The following RBFOX1 variants were observed in gnomAD, a reference collection of about 807,000 sequenced individuals.
RBFOX1 encodes the protein RNA binding protein fox-1 homolog 1.
Under a neutral mutation model 57.7 loss-of-function variants are expected in RBFOX1, and 8 were observed. The ratio of observed to expected loss-of-function variants is 0.14; its 90% confidence interval spans 0.08 to 0.25. The LOEUF (loss-of-function observed/expected upper bound fraction) is 0.25. RBFOX1 is among the 10% of genes least tolerant of loss of function. The pLI, the probability that RBFOX1 is intolerant of heterozygous loss-of-function variation, is 1.00. For synonymous variants in RBFOX1, 326 were observed against 222.4 expected (o/e 1.47, Z -4.15); for missense variants, 611 against 548.5 (o/e 1.11, Z -1.14).
intron 1 of RBFOX1, among the ~76,000 whole-genome samples, chr16:6,172,647 C>T (rs766305406): frequency 6.6e-6 from 1 of 152,324 alleles, no homozygotes. Context: ...AATGTAGAAA[C>T]TTCATCACAT....
chr16:5,977,373 C>G (rs1046518984), intron 4 of RBFOX1, among the ~76,000 whole-genome samples: 9 of 152,292 alleles, frequency 5.9e-5, no homozygotes, highest in East Asian at 3.9e-4. Flanking sequence ...GCTCCCTGCC[C>G]TCCATGGTCA....
chr16:7,237,908 G>A (rs1347154148), intron 4 of RBFOX1, among the ~76,000 whole-genome samples: 2 of 152,214 alleles, frequency 1.3e-5, no homozygotes, highest in East Asian at 1.9e-4. Context: ...GGAGGCTGAA[G>A]CATGAGAATT....
At chr16:5,486,671 C>A (rs1208251240) in intron 2 of RBFOX1, among the ~76,000 whole-genome samples, 1 of 152,134 alleles carries the variant, frequency 6.6e-6, no homozygotes, top group Non-Finnish European at 1.5e-5. Flanking sequence ...GTCTTGTGCC[C>A]TGTCTATGTA....
At chr16:5,420,344 A>G (rs1400520944) in intron 1 of RBFOX1, among the ~76,000 whole-genome samples, 3 of 152,128 alleles carry the variant, frequency 2.0e-5, no homozygotes, top group Non-Finnish European at 4.4e-5. Flanking sequence ...AGACAATTTC[A>G]AAATAACACC....
intron 1 of RBFOX1, among the ~76,000 whole-genome samples, chr16:6,158,295 G>T (rs553841819): frequency 6.6e-6 from 1 of 152,160 alleles, no homozygotes; most frequent in Non-Finnish European, 1.5e-5. Context: ...CATCACAGGC[G>T]ATGCACCTAC....
intron 1 of RBFOX1, among the ~76,000 whole-genome samples, chr16:5,353,690 C>G (rs1056964838): frequency 6.7e-6 from 1 of 149,442 alleles, no homozygotes; most frequent in Non-Finnish European, 1.5e-5. Context: ...TCACTTCCAG[C>G]TTGAAACCTA....
intron 2 of RBFOX1, among the ~76,000 whole-genome samples, chr16:6,604,148 C>T (rs1467322104): frequency 6.6e-6 from 1 of 151,906 alleles, no homozygotes; most frequent in East Asian, 1.9e-4. Context: ...ATCCCCTCGC[C>T]TTGGCAGTCC....
chr16:6,760,891 A>G (rs543542631), intron 3 of RBFOX1, among the ~76,000 whole-genome samples: 146 of 152,240 alleles, frequency 9.6e-4, no homozygotes, highest in Admixed American at 9.4e-3. Context: ...ATTGGACTCT[A>G]ATGGATAGAT....
At chr16:7,517,926 C>G (rs1319215641) in intron 4 of RBFOX1, among the ~76,000 whole-genome samples, 2 of 151,782 alleles carry the variant, frequency 1.3e-5, no homozygotes, top group Non-Finnish European at 2.9e-5. Flanking sequence ...TCTTTCCAAG[C>G]CTCGGTTTCT....
intron 4 of RBFOX1, among the ~76,000 whole-genome samples, chr16:7,152,025 G>A (rs139194516): frequency 1.7e-4 from 26 of 152,262 alleles, no homozygotes; most frequent in South Asian, 1.0e-3. Context: ...CTAGGCCATC[G>A]CCTGAGGTTT....
chr16:6,112,671 AC>A (rs201039472), intron 1 of RBFOX1, among the ~76,000 whole-genome samples: 4,783 of 152,284 alleles, frequency 0.031, 257 homozygotes, highest in African/African-American at 0.11. Flanking sequence ...AGCCTGGGCA[AC>A]AAGAGCAAAA....
intron 4 of RBFOX1, among the ~76,000 whole-genome samples, chr16:7,287,050 G>A (rs888451261): frequency 1.3e-5 from 2 of 152,186 alleles, no homozygotes; most frequent in Non-Finnish European, 2.9e-5. Flanking sequence ...GTGTGAGGAT[G>A]TGTGGCACAA....
At chr16:6,632,342 A>G (rs1365166057) in intron 2 of RBFOX1, among the ~76,000 whole-genome samples, 1 of 152,148 alleles carries the variant, frequency 6.6e-6, no homozygotes, top group Non-Finnish European at 1.5e-5. Flanking sequence ...AGAAAGAAAA[A>G]AAAAAAAGGT....
intron 4 of RBFOX1, among the ~76,000 whole-genome samples, chr16:5,966,338 C>A (rs1368781891): frequency 6.6e-6 from 1 of 152,166 alleles, no homozygotes; most frequent in Non-Finnish European, 1.5e-5. Context: ...GCAGTGGCAT[C>A]CGCTTCCAGG....
At chr16:6,817,680 G>A (rs2090390653) in intron 3 of RBFOX1, among the ~76,000 whole-genome samples, 1 of 151,740 alleles carries the variant, frequency 6.6e-6, no homozygotes, top group African/African-American at 2.4e-5. Flanking sequence ...TCCAGCCTGG[G>A]CGACAGAGCC....
In RBFOX1 at chr16:6,796,608, T is replaced by C. The variant is rs75285207; in HGVS notation, c.-16+141958T>C. Among the ~76,000 whole-genome samples the C allele has an allele frequency of 3.9e-3, 592 of 152,314 alleles. 5 individuals are homozygous for C. Among genetic ancestry groups the C allele is most frequent in the African/African-American group, 0.013 (546 of 41,560 alleles). On this transcript the variant is annotated intron_variant, in intron 3 of 15. Coordinates refer to ENST00000550418, the MANE Select transcript of RBFOX1 (RefSeq NM_018723.4). ...CCTTATTCATACCTATCCTAAACAC[T>C]TTTCAAAGGAACTTTCTCTCTGTCT...
chr16:7,415,781 T>G (rs1462729656), intron 4 of RBFOX1, among the ~76,000 whole-genome samples: 1 of 113,966 alleles, frequency 8.8e-6, no homozygotes, highest in Non-Finnish European at 1.5e-5. Flanking sequence ...TGGAAGAAAA[T>G]AAGAGTATAT....
chr16:6,888,458 T>G, intron 3 of RBFOX1, among the ~76,000 whole-genome samples: 1 of 152,194 alleles, frequency 6.6e-6, no homozygotes, highest in East Asian at 1.9e-4. Flanking sequence ...CTTACTGTCT[T>G]GGGTTTCATT....
At chr16:5,767,503 C>A (rs545679525) in intron 3 of RBFOX1, among the ~76,000 whole-genome samples, 1 of 152,180 alleles carries the variant, frequency 6.6e-6, no homozygotes, top group African/African-American at 2.4e-5. Context: ...TGTATGGGTT[C>A]AGAGCCCCTG....
Sources: gnomAD v4.1 joint callset for allele counts (sites outside exome capture counted in the v4.1 genomes callset) on GRCh38, gnomAD v4.1.1 for gene constraint, MANE v1.5 for transcripts, NCBI Gene and HGNC (gene_info 2026-07-23, HGNC 2026-07-21) for gene names.